ZDHHC3: variants seen among roughly 807,000 people sequenced by gnomAD.
The protein encoded by ZDHHC3 is zDHHC palmitoyltransferase 3.
A neutral mutation model predicts 30.6 loss-of-function variants in ZDHHC3; 9 were observed. The ratio of observed to expected loss-of-function variants is 0.29; its 90% CI spans 0.18 to 0.51. The LOEUF is 0.51. ZDHHC3 is among the 20% of genes least tolerant of loss of function. The pLI is 0.97. For synonymous variants in ZDHHC3, 136 were observed against 140.2 expected, an observed-to-expected ratio of 0.97 and a Z score of 0.21; for missense variants, 246 against 384.2, an observed-to-expected ratio of 0.64 and a Z score of 3.01.
intron 2 of ZDHHC3, chr3:44,958,544 A>C: frequency 6.6e-7 from 1 of 1,506,124 alleles, no homozygotes; most frequent in Non-Finnish European, 8.9e-7. Flanking sequence ...ATATTTAGCT[A>C]AGTCATTGAG....
intron 5 of ZDHHC3, among the ~76,000 whole-genome samples, chr3:44,931,909 ACTGCTCAAAAAGCC>A (rs554044787): frequency 6.6e-6 from 1 of 152,318 alleles, no homozygotes; most frequent in South Asian, 2.1e-4. Flanking sequence ...GAAACAATGC[ACTGCTCAAAAAGCC>A]CTTTGGGCCA....
intron 2 of ZDHHC3, among the ~76,000 whole-genome samples, chr3:44,957,068 C>G (rs1158713636): frequency 2.6e-5 from 4 of 152,142 alleles, no homozygotes; most frequent in Non-Finnish European, 4.4e-5. Flanking sequence ...CTTCGTCTGC[C>G]TGGCTTGTAG....
Position 44,945,184 on chromosome 3 carries a change from G to C in ZDHHC3, c.415C>G (p.Arg139Gly). 1 of 1,614,054 alleles carries C rather than the reference G, an allele frequency of 6.2e-7. No individual in the cohort carries two copies. Among genetic ancestry groups the C allele is most frequent in the Non-Finnish European group, 8.5e-7 (1 of 1,180,018 alleles). The stretch of plus-strand genomic sequence containing the variant: ...TGAGTGTACCTGCAGTGGTGGGCTC[G>C]GTCGGGCTTGATGCTGCAGCATTTG... ...CPKCCSIKPDRAHHCSVCKRC... is the reference protein window; with the variant it reads ...CPKCCSIKPDGAHHCSVCKRC... The change falls in exon 3 of 7, where the codon CGA (arginine) becomes GGA (glycine). Residue 139 changes from arginine (R) to glycine (G), a missense_variant. By Grantham distance (125) the Arg-to-Gly change is moderately radical. Transcript: ENST00000424952.
rs1014079225 is a variant in ZDHHC3 at position 44,918,803 on chromosome 3, G to T, written c.*7886C>A. On this transcript the variant is annotated 3_prime_UTR_variant, in exon 7 of 7. Transcript: ENST00000424952. ...AAGCTGTCAACTCACCTGCCTCTGGGTGTCGGCTGCAACTCAGCCACCAGG... is the reference window on the plus strand; with the variant it reads ...AAGCTGTCAACTCACCTGCCTCTGGTTGTCGGCTGCAACTCAGCCACCAGG... The T allele has an allele frequency of 6.1e-6, 6 of 987,244 alleles. No individual in the cohort carries two copies. In the African/African-American group the frequency reaches 8.7e-5, roughly 14 times the overall value. The allele number at this position is 987,244 out of a possible 1,614,324, so 61.2% of individuals were successfully genotyped here.
rs779020969 is a variant in ZDHHC3 at position 44,917,932 on chromosome 3, G to C, written c.*8757C>G. On this transcript the variant is annotated 3_prime_UTR_variant, in exon 7 of 7. Transcript: ENST00000424952. The stretch of plus-strand genomic sequence containing the variant: ...CACCTCCACAGAGTCCTCGTCCTTT[G>C]TCTCCTCTGATGGATCCTCCATTGT... 7.7e-7 allele frequency: 1 copy of C among 1,304,920 alleles called. No individual in the cohort carries two copies. Among genetic ancestry groups the C allele is most frequent in the African/African-American group, 1.5e-5 (1 of 65,854 alleles). The allele number at this position is 1,304,920 out of a possible 1,614,324, so 80.8% of individuals were successfully genotyped here. A position where few individuals can be genotyped will look rare whatever the true frequency, so the allele number is the denominator to read the frequency against.
At position 44,925,397 on chromosome 3, in the gene ZDHHC3, T is replaced by C; in HGVS notation, c.*1292A>G. ...TAAAAAACAAATCAATGTGTGAGAA[T>C]TCCCCGATGGTCAATAATCATATTT... On this transcript the variant is annotated 3_prime_UTR_variant, in exon 7 of 7. Transcript: ENST00000424952. 8.1e-6 allele frequency: 8 copies of C among 985,746 alleles called. No homozygotes were observed. Among genetic ancestry groups the C allele is most frequent in the Non-Finnish European group, 9.6e-6 (8 of 829,952 alleles). 61.1% of individuals were successfully genotyped at this position (985,746 alleles called of 1,614,324 possible).
chr3:44,940,906 C>T (rs1053058102), intron 3 of ZDHHC3, among the ~76,000 whole-genome samples: 22 of 152,194 alleles, frequency 1.4e-4, no homozygotes, highest in African/African-American at 5.3e-4. Context: ...AGCCACATTC[C>T]ATGGGGTTCT....
Position 44,922,540 on chromosome 3 carries a change from AG to A in ZDHHC3, c.*4148del. On this transcript the variant is annotated 3_prime_UTR_variant, in exon 7 of 7. Coordinates refer to ENST00000424952, the MANE Select transcript of ZDHHC3 (RefSeq NM_001135179.2). ...GGCAGTCTCAGTGGCTTCTCCGCGG[AG>A]GGAACACGTGCCTGTCTCACAATCA... The A allele has an allele frequency of 1.0e-6, 1 of 985,360 alleles. No individual in the cohort carries two copies. Among genetic ancestry groups the A allele is most frequent in the Non-Finnish European group, 1.2e-6 (1 of 829,922 alleles). 61.0% of individuals were successfully genotyped at this position (985,360 alleles called of 1,614,324 possible). A position where few individuals can be genotyped will look rare whatever the true frequency, so the allele number is the denominator to read the frequency against.
chr3:44,933,125 A>G lies in ZDHHC3; in HGVS notation c.603T>C (p.Asp201=), dbSNP rs374546881. 21 of 1,614,208 alleles carry G rather than the reference A, an allele frequency of 1.3e-5. 1 individual carries two copies. Among genetic ancestry groups the G allele is most frequent in the African/African-American group, 1.2e-4 (9 of 75,052 alleles). Residue 201 remains aspartate (D), a synonymous_variant, in exon 5 of 7, where the codon GAT becomes GAC. Coordinates refer to ENST00000424952, the MANE Select transcript of ZDHHC3 (RefSeq NM_001135179.2). The stretch of plus-strand genomic sequence containing the variant: ...GCCTCAGCACATACTCACTTGTCCA[A>G]TCTTCTTCAAAGCAATGCAGGAAGT... ...GFHFLHCFEE[D]WTKCSSFSPP...
intron 3 of ZDHHC3, among the ~76,000 whole-genome samples, chr3:44,934,390 C>T (rs1701761485): frequency 6.6e-6 from 1 of 151,586 alleles, no homozygotes; most frequent in African/African-American, 2.4e-5. Flanking sequence ...CCCCAAAAGA[C>T]CAAACCACCA....
intron 5 of ZDHHC3, among the ~76,000 whole-genome samples, chr3:44,930,067 G>C (rs563487159): frequency 2.0e-5 from 3 of 152,234 alleles, no homozygotes; most frequent in South Asian, 2.1e-4. Flanking sequence ...CAGTGCCAAA[G>C]GCCAGGGAGT....
At chr3:44,936,089 G>C (rs373545692) in intron 3 of ZDHHC3, among the ~76,000 whole-genome samples, 1 of 152,236 alleles carries the variant, frequency 6.6e-6, no homozygotes, top group East Asian at 1.9e-4. Flanking sequence ...CAGAATGGGA[G>C]GAAATATTTG....
rs566454919 is a variant in ZDHHC3, at chr3:44,948,681, T to C, written c.307-3389A>G. ...GGGGATCCTAGGAAGGCCAGGAGGA[T>C]CCTGGTGGATACTAAGCAGGAGAGG... On this transcript the variant is annotated intron_variant, in intron 2 of 6. Coordinates refer to ENST00000424952, the MANE Select transcript of ZDHHC3 (RefSeq NM_001135179.2). Among the ~76,000 whole-genome samples, 28 of 152,126 alleles carry C rather than the reference T, an allele frequency of 1.8e-4. 1 individual carries two copies. Among genetic ancestry groups the C allele is most frequent in the Admixed American group, 5.9e-4 (9 of 15,292 alleles).
At chr3:44,928,036 G>GC (rs989003236) in intron 6 of ZDHHC3, among the ~76,000 whole-genome samples, 4 of 152,220 alleles carry the variant, frequency 2.6e-5, no homozygotes, top group African/African-American at 9.6e-5. Context: ...TTGCCTTCTG[G>GC]CTCCCCCAGA....
rs1705963657 is a variant in ZDHHC3, at chr3:44,976,074, T to C, written c.-166A>G. ...TCCTCGGAACGAGGCGCCGCGGCTC[T>C]CTGGACTCGGCCAGACACCGGGCGG... On this transcript the variant is annotated 5_prime_UTR_variant, in exon 1 of 7. Coordinates refer to ENST00000424952, the MANE Select transcript of ZDHHC3 (RefSeq NM_001135179.2). 4 of 424,918 alleles carry C rather than the reference T, an allele frequency of 9.4e-6. No individual in the cohort carries two copies. In the South Asian group the frequency reaches 2.7e-4, roughly 28 times the overall value. The allele number at this position is 424,918 out of a possible 1,614,324, so 26.3% of individuals were successfully genotyped here. A position where few individuals can be genotyped will look rare whatever the true frequency, so the allele number is the denominator to read the frequency against.
At chr3:44,935,934 C>T (rs1701924627) in intron 3 of ZDHHC3, among the ~76,000 whole-genome samples, 1 of 152,144 alleles carries the variant, frequency 6.6e-6, no homozygotes, top group Admixed American at 6.5e-5. Flanking sequence ...GTAGGCAATA[C>T]CATCCTGGAC....
chr3:44,965,644 C>T (rs1704882016), intron 1 of ZDHHC3, among the ~76,000 whole-genome samples: 2 of 152,204 alleles, frequency 1.3e-5, no homozygotes, highest in Non-Finnish European at 1.5e-5. Context: ...CCCTGACCCA[C>T]AGTCCATGCT....
At chr3:44,932,860 G>A (rs538299155) in intron 5 of ZDHHC3, 19 of 1,590,934 alleles carry the variant, frequency 1.2e-5, no homozygotes, top group East Asian at 8.9e-5. Flanking sequence ...CATTCTCCCT[G>A]GGCACGCTCA....
chr3:44,924,907 T>C lies in ZDHHC3; in HGVS notation c.*1782A>G. On this transcript the variant is annotated 3_prime_UTR_variant, in exon 7 of 7. Transcript: ENST00000424952. Reference sequence around the variant, plus strand: ...TAGCACCGTAGACACGAGGTAAAGTTAACTGACTCAGGAAAGCTCTTAGGA... The same window carrying C: ...TAGCACCGTAGACACGAGGTAAAGTCAACTGACTCAGGAAAGCTCTTAGGA... 1.0e-6 allele frequency: 1 copy of C among 985,532 alleles called. No individual in the cohort carries two copies. Among genetic ancestry groups the C allele is most frequent in the Non-Finnish European group, 1.2e-6 (1 of 829,940 alleles). 61.0% of individuals were successfully genotyped at this position (985,532 alleles called of 1,614,324 possible).
Sources: allele counts gnomAD v4.1 joint callset (sites outside exome capture counted in the v4.1 genomes callset), GRCh38; gene constraint gnomAD v4.1.1; transcripts MANE v1.5; gene names NCBI Gene and HGNC (gene_info 2026-07-23, HGNC 2026-07-21).